HEPH: variants seen among roughly 807,000 people sequenced by gnomAD.
HEPH encodes hephaestin.
In HEPH, 69 loss-of-function variants were observed where a neutral mutation model predicts 80.8. The ratio of observed to expected loss-of-function variants is 0.85; its 90% CI spans 0.70 to 1.04. HEPH has a LOEUF of 1.04. Ranked by LOEUF, HEPH falls within the 50% of genes least tolerant of loss-of-function variation. HEPH has a pLI of 0.00. For synonymous variants in HEPH, 431 were observed against 322.8 expected (o/e 1.34, Z -3.60); for missense variants, 1,115 against 891.3 (o/e 1.25, Z -3.20).
rs754005148 is a variant in HEPH at position 66,189,083 on chromosome X, C to G, written c.808+542C>G. ...GAAGAACCGAGGCATGAATATTGAACTGATTTTAGGAATATAAACAAGTCA... is the reference window on the plus strand; with the variant it reads ...GAAGAACCGAGGCATGAATATTGAAGTGATTTTAGGAATATAAACAAGTCA... On this transcript the variant is annotated intron_variant, in intron 5 of 20. Transcript: ENST00000343002. 2.4e-4 allele frequency among the ~76,000 whole-genome samples: 27 copies of G among 112,096 alleles called. No individual in the cohort carries two copies. In the South Asian group the frequency reaches 0.01, roughly 42 times the overall value.
At chrX:66,246,568 C>A (rs888106503) in intron 15 of HEPH, among the ~76,000 whole-genome samples, 1 of 111,044 alleles carries the variant, frequency 9.0e-6, no homozygotes, top group Non-Finnish European at 1.9e-5. Context: ...GGTCCTCTGC[C>A]TCAGTCTAGA....
intron 15 of HEPH, among the ~76,000 whole-genome samples, chrX:66,239,603 A>T (rs1459862794): frequency 8.9e-6 from 1 of 111,802 alleles, no homozygotes; most frequent in African/African-American, 3.3e-5. Context: ...TCATGTGAAG[A>T]TATGCATGAT....
chrX:66,195,224 A>G lies in HEPH; in HGVS notation c.1496A>G (p.Asn499Ser), dbSNP rs746826338. The G allele has an allele frequency of 1.7e-6, 2 of 1,167,429 alleles. No individual in the cohort carries two copies. Among genetic ancestry groups the G allele is most frequent in the East Asian group, 3.2e-5 (1 of 31,658 alleles). Residue 499 changes from asparagine to serine, a missense_variant, in exon 9 of 21, where the codon AAT becomes AGT. By Grantham distance (46) the Asn-to-Ser change is conservative (BLOSUM62 1). Around this residue, in one of 3 missense-constraint regions of HEPH, gnomAD observed 716 missense variants for 523.5 expected, o/e 1.37. Transcript: ENST00000343002. Reference sequence around the variant, plus strand: ...AAAGACTATGAAGGCACTGTGTACAATGATGGTGAGCCAACAGGGTTTCTA... The same window carrying G: ...AAAGACTATGAAGGCACTGTGTACAGTGATGGTGAGCCAACAGGGTTTCTA... ...YEKDYEGTVY[N>S]DGSSYPGLVA... is the part of the protein sequence containing the mutation.
chrX:66,258,825 C>A lies in HEPH; in HGVS notation c.2897-15C>A, dbSNP rs778835064. ...TTTTTCTTTTCTTTTCTTTTCTTTTCTTTTTTTTTGACAGCAATCAATGGG... is the reference window on the plus strand; with the variant it reads ...TTTTTCTTTTCTTTTCTTTTCTTTTATTTTTTTTTGACAGCAATCAATGGG... On this transcript the variant is annotated splice_polypyrimidine_tract_variant and intron_variant, in intron 17 of 20. Coordinates refer to ENST00000343002, the MANE Select transcript of HEPH (RefSeq NM_001367233.3). 1.8e-4 allele frequency: 192 copies of A among 1,092,052 alleles called. No homozygotes were observed. Among genetic ancestry groups the A allele is most frequent in the Non-Finnish European group, 1.2e-4 (102 of 830,858 alleles). 90.0% of individuals were successfully genotyped at this position (1,092,052 alleles called of 1,213,427 possible).
At chrX:66,217,154 G>A (rs28848546) in intron 15 of HEPH, among the ~76,000 whole-genome samples, 10,661 of 110,841 alleles carry the variant, frequency 0.096, 1,230 homozygotes, top group African/African-American at 0.33. Flanking sequence ...TAGAGATCTA[G>A]ACACCCCAAA....
intron 1 of HEPH, among the ~76,000 whole-genome samples, chrX:66,168,649 C>T (rs1194737511): frequency 8.9e-6 from 1 of 111,903 alleles, no homozygotes; most frequent in Admixed American, 9.5e-5. Context: ...AAGTTTATTT[C>T]TTAAAAAGGG....
chrX:66,190,245 A>G (rs944146276), intron 6 of HEPH, among the ~76,000 whole-genome samples: 5 of 110,726 alleles, frequency 4.5e-5, no homozygotes, highest in Non-Finnish European at 9.4e-5. Context: ...ATTCTAAACA[A>G]TTAATACCTG....
At chrX:66,173,834 G>A in intron 4 of HEPH, 33 bp downstream of exon 4, 1 of 1,053,875 alleles carries the variant, frequency 9.5e-7, no homozygotes, top group Non-Finnish European at 1.3e-6. Context: ...ATGAGGTGTA[G>A]TTTGGGACAT....
At chrX:66,244,582 T>A (rs939665865) in intron 15 of HEPH, among the ~76,000 whole-genome samples, 1 of 111,768 alleles carries the variant, frequency 8.9e-6, no homozygotes, top group Admixed American at 9.6e-5. Context: ...TAGATTTTTT[T>A]AAATTGGGTT....
Position 66,172,459 on chromosome X carries a change from C to G in HEPH, c.272C>G (p.Ala91Gly), listed in dbSNP as rs1382493554. 8.3e-7 allele frequency: 1 copy of G among 1,210,173 alleles called. No homozygotes were observed. Among genetic ancestry groups the G allele is most frequent in the Non-Finnish European group, 1.1e-6 (1 of 894,762 alleles). ...GATGACTCATACACAGATGAAGTGG[C>G]CCAGCCTGCCTGGTTGGGCTTCCTG... is the stretch of plus-strand genomic sequence containing the variant. Reference protein sequence around the residue: ...YKDDSYTDEVAQPAWLGFLGP... With the variant: ...YKDDSYTDEVGQPAWLGFLGP... Residue 91 changes from alanine to glycine, a missense_variant, in exon 3 of 21, where the codon GCC becomes GGC. This residue lies in a region of HEPH where 391 missense variants were observed against 343.6 expected (regional missense o/e 1.14). Coordinates refer to ENST00000343002, the MANE Select transcript of HEPH (RefSeq NM_001367233.3).
At position 66,197,710 on chromosome X, in the gene HEPH, A is replaced by G; in HGVS notation, c.1529A>G (p.Lys510Arg). ...DGSSYPGLVAKPFEKVTYRWT... is the reference protein window; with the variant it reads ...DGSSYPGLVARPFEKVTYRWT... Reference sequence around the variant, plus strand: ...TCATCTTACCCTGGCTTGGTTGCCAAGCCCTTTGAGAAAGTAACATACCGC... The same window carrying G: ...TCATCTTACCCTGGCTTGGTTGCCAGGCCCTTTGAGAAAGTAACATACCGC... The change falls in exon 10 of 21, where the codon AAG (lysine) becomes AGG (arginine). Residue 510 changes from lysine to arginine, a missense_variant. Coordinates refer to ENST00000343002, the MANE Select transcript of HEPH (RefSeq NM_001367233.3). 1 of 1,211,796 alleles carries G rather than the reference A, an allele frequency of 8.3e-7. No individual in the cohort carries two copies. The highest frequency in any genetic ancestry group is 1.1e-6 in the Non-Finnish European group (1 of 895,442).
intron 20 of HEPH, among the ~76,000 whole-genome samples, chrX:66,264,234 C>T (rs2091457102): frequency 9.4e-6 from 1 of 106,083 alleles, no homozygotes; most frequent in Non-Finnish European, 1.9e-5. Flanking sequence ...ACCACTTGTA[C>T]TCCTGAAGCT....
chrX:66,200,175 C>T (rs190372316), intron 11 of HEPH, among the ~76,000 whole-genome samples: 52 of 105,989 alleles, frequency 4.9e-4, no homozygotes, highest in African/African-American at 1.7e-3. Flanking sequence ...TGTAAAAGGA[C>T]CAGAAAGTAT....
At chrX:66,239,214 G>A (rs556330551) in intron 15 of HEPH, among the ~76,000 whole-genome samples, 2 of 111,954 alleles carry the variant, frequency 1.8e-5, no homozygotes, top group Admixed American at 9.4e-5. Flanking sequence ...TCAGAGGCCC[G>A]TGGTGACAGG....
rs568759767 is a variant in HEPH, at chrX:66,201,668, C to T, written c.2077+916C>T. 3.6e-5 allele frequency among the ~76,000 whole-genome samples: 4 copies of T among 111,233 alleles called. No individual in the cohort carries two copies. In the South Asian group the frequency reaches 1.5e-3, roughly 42 times the overall value. On this transcript the variant is annotated intron_variant, in intron 12 of 20. Coordinates refer to ENST00000343002, the MANE Select transcript of HEPH (RefSeq NM_001367233.3). ...TTACTCCTGTAAATTTCATTCATAT[C>T]TGGGGGGAAAAACATCCTTGAACAA...
intron 9 of HEPH, 26 bp downstream of exon 9, chrX:66,195,255 T>C: frequency 1.8e-6 from 2 of 1,134,787 alleles, no homozygotes; most frequent in Non-Finnish European, 2.3e-6. Flanking sequence ...TTCTAGTAAA[T>C]GTGGGCTCTA....
At chrX:66,211,710 A>T (rs902641024) in intron 15 of HEPH, among the ~76,000 whole-genome samples, 6 of 111,952 alleles carry the variant, frequency 5.4e-5, no homozygotes, top group African/African-American at 1.6e-4. Context: ...CATTGTGTAT[A>T]TATACCACAT....
At chrX:66,168,655 A>G (rs1211010124) in intron 1 of HEPH, among the ~76,000 whole-genome samples, 1 of 112,102 alleles carries the variant, frequency 8.9e-6, no homozygotes, top group East Asian at 2.8e-4. Flanking sequence ...ATTTCTTAAA[A>G]AGGGTAAATA....
At chrX:66,198,185 C>T (rs772100368) in intron 10 of HEPH, among the ~76,000 whole-genome samples, 41 of 105,727 alleles carry the variant, frequency 3.9e-4, no homozygotes, top group Non-Finnish European at 7.0e-4. Context: ...TTTCCCTCTC[C>T]CCCTCTCCCT....
Sources: allele counts gnomAD v4.1 joint callset (sites outside exome capture counted in the v4.1 genomes callset), GRCh38; gene constraint gnomAD v4.1.1; regional missense constraint gnomAD v4.1.1; transcripts MANE v1.5; gene names NCBI Gene and HGNC (gene_info 2026-07-23, HGNC 2026-07-21).